DENND2B: variants seen among roughly 807,000 people sequenced by gnomAD.
DENND2B encodes the protein DENN domain-containing protein 2B.
Under a neutral mutation model 116.0 loss-of-function variants are expected in DENND2B, and 32 were observed. The ratio of observed to expected loss-of-function variants is 0.28; its 90% CI spans 0.21 to 0.37. DENND2B has a LOEUF of 0.37. Among genes scored for constraint, DENND2B ranks in the 10% least tolerant of loss-of-function variants. The pLI, the probability that DENND2B is intolerant of heterozygous loss-of-function variation, is 1.00. For synonymous variants in DENND2B, 588 were observed against 583.9 expected (o/e 1.01, Z -0.10); for missense variants, 1,276 against 1,477.7 (o/e 0.86, Z 2.24).
At chr11:8,836,406 T>C (rs537699851) in intron 4 of DENND2B, among the ~76,000 whole-genome samples, 28 of 143,012 alleles carry the variant, frequency 2.0e-4, no homozygotes, top group African/African-American at 6.0e-4. Flanking sequence ...AGCATCCTTC[T>C]GTACTTCTTT....
intron 14 of DENND2B, among the ~76,000 whole-genome samples, chr11:8,701,998 T>C (rs2041788055): frequency 6.6e-6 from 1 of 151,790 alleles, no homozygotes. Context: ...CCTCACCCAC[T>C]CTCCTCTCTG....
intron 1 of DENND2B, among the ~76,000 whole-genome samples, chr11:8,761,018 C>T (rs1205775626): frequency 7.2e-6 from 1 of 138,248 alleles, no homozygotes; most frequent in Non-Finnish European, 1.7e-5. Flanking sequence ...CCTTCCCAAC[C>T]CTCCTCCTCA....
rs560682589 is a variant in DENND2B, at chr11:8,701,310, C to G, written c.2720+1262G>C. ...TAGAACATCAGGCGCCCTACATTCG[C>G]ATATTAAAAGGCTAGGATGGGAAGG... On this transcript the variant is annotated intron_variant, in intron 14 of 19. Coordinates refer to ENST00000313726, the MANE Select transcript of DENND2B (RefSeq NM_213618.2). 6.1e-4 allele frequency among the ~76,000 whole-genome samples: 77 copies of G among 126,262 alleles called. No individual in the cohort carries two copies. The South Asian group carries it at 9.3e-3, about 15-fold the overall frequency. 82.8% of individuals were successfully genotyped at this position (126,262 alleles called of 152,430 possible).
upstream of DENND2B, chr11:8,871,532 G>T (rs1215604430): frequency 2.0e-5 from 3 of 152,182 alleles, no homozygotes; most frequent in Admixed American, 6.5e-5. Flanking sequence ...TGCACCGCCC[G>T]CCGGCCTTCA....
chr11:8,832,334 C>T (rs2062240723), intron 4 of DENND2B, among the ~76,000 whole-genome samples: 1 of 152,000 alleles, frequency 6.6e-6, no homozygotes, highest in Non-Finnish European at 1.5e-5. Flanking sequence ...CACTTGTAGT[C>T]CCAGCTACTC....
chr11:8,905,176 A>C (rs2064220272), intron 1 of DENND2B, among the ~76,000 whole-genome samples: 1 of 152,170 alleles, frequency 6.6e-6, no homozygotes, highest in Non-Finnish European at 1.5e-5. Flanking sequence ...ATACAGTATA[A>C]TATGGCATAA....
rs61246214 is a variant in DENND2B, at chr11:8,840,898, A to G, written c.-155-1548T>C. On this transcript the variant is annotated intron_variant, in intron 3 of 6. Coordinates refer to the DENND2B transcript ENST00000524757. ...TTTGCCATCCACCAGAATATTCCAT[A>G]TTGAGTGAAATTACAATGCTTGTTG... Among the ~76,000 whole-genome samples the G allele has an allele frequency of 5.9e-5, 9 of 152,298 alleles. No individual in the cohort carries two copies. The East Asian group carries it at 1.7e-3, about 29-fold the overall frequency.
intron 1 of DENND2B, among the ~76,000 whole-genome samples, chr11:8,751,928 A>C (rs2052579789): frequency 6.6e-6 from 1 of 152,192 alleles, no homozygotes; most frequent in Non-Finnish European, 1.5e-5. Flanking sequence ...AAAAGAAAAA[A>C]GTCACCTCAT....
In DENND2B at chr11:8,712,833, AG is replaced by A; in HGVS notation, c.1988-99del. The A allele has an allele frequency of 7.7e-7, 1 of 1,297,938 alleles. No homozygotes were observed. Among genetic ancestry groups the A allele is most frequent in the Non-Finnish European group, 1.0e-6 (1 of 957,794 alleles). The allele number at this position is 1,297,938 out of a possible 1,614,324, so 80.4% of individuals were successfully genotyped here. A position where few individuals can be genotyped will look rare whatever the true frequency, so the allele number is the denominator to read the frequency against. The stretch of plus-strand genomic sequence containing the variant: ...GCTCCATTGCTGTGGAGCACTTTTA[AG>A]TACGTGAGCCTAGTCTGATACCATC... On this transcript the variant is annotated intron_variant, in intron 8 of 19. Transcript: ENST00000313726. The surrounding 1 kb of genome is among the most constrained non-coding windows in gnomAD (Gnocchi z 4.4).
At chr11:8,809,763 G>A (rs1208798250) in intron 1 of DENND2B, 1 of 152,216 alleles carries the variant, frequency 6.6e-6, no homozygotes, top group Non-Finnish European at 1.5e-5. Flanking sequence ...AGTGCCTCAT[G>A]TTCCCCAGCT....
intron 4 of DENND2B, among the ~76,000 whole-genome samples, chr11:8,825,569 T>A (rs116759029): frequency 0.01 from 1,535 of 152,160 alleles, 15 homozygotes; most frequent in African/African-American, 0.029. Flanking sequence ...ATGGTTACCC[T>A]TTTTATCAAT....
chr11:8,770,982 T>C (rs2056755334), intron 1 of DENND2B, among the ~76,000 whole-genome samples: 1 of 152,212 alleles, frequency 6.6e-6, no homozygotes, highest in Non-Finnish European at 1.5e-5. Flanking sequence ...GTTAGACACC[T>C]TTCTGTGGTT....
rs1429929230 is a variant in DENND2B at position 8,707,289 on chromosome 11, C to T, written c.2431-64G>A. 2 of 1,557,138 alleles carry T rather than the reference C, an allele frequency of 1.3e-6. No individual in the cohort carries two copies. Among genetic ancestry groups the T allele is most frequent in the African/African-American group, 1.4e-5 (1 of 73,600 alleles). ...AGGGCACTGCCCTTCCCCCTCCTGG[C>T]AGAGAAGAGGGCAGCCAAGCATCTG... is the stretch of plus-strand genomic sequence containing the variant. On this transcript the variant is annotated intron_variant, in intron 12 of 19. Transcript: ENST00000313726. The surrounding 1 kb of genome is among the most constrained non-coding windows in gnomAD (Gnocchi z 4.8).
chr11:8,800,761 T>C (rs891577813), intron 1 of DENND2B, among the ~76,000 whole-genome samples: 4 of 152,152 alleles, frequency 2.6e-5, no homozygotes, highest in Admixed American at 1.3e-4. Context: ...TTAAAACACA[T>C]TGCTAAATTT....
intron 1 of DENND2B, among the ~76,000 whole-genome samples, chr11:8,779,722 C>G (rs1474608011): frequency 1.3e-5 from 2 of 152,122 alleles, no homozygotes; most frequent in African/African-American, 4.8e-5. Flanking sequence ...CCATGTTGGT[C>G]AGGCTGGTCT....
At chr11:8,872,281 G>A (rs1458927912), upstream of DENND2B, among the ~76,000 whole-genome samples, 1 of 152,100 alleles carries the variant, frequency 6.6e-6, no homozygotes, top group Non-Finnish European at 1.5e-5. Flanking sequence ...CAGGTCAAGA[G>A]TTCAAGACCA....
chr11:8,745,174 T>A (rs985203419), intron 2 of DENND2B, among the ~76,000 whole-genome samples: 3 of 151,604 alleles, frequency 2.0e-5, no homozygotes, highest in Non-Finnish European at 4.4e-5. Flanking sequence ...CCCACCCCAA[T>A]CTCCAGAGTA....
At chr11:8,879,631 T>G (rs2063880855) in intron 2 of DENND2B, among the ~76,000 whole-genome samples, 1 of 152,164 alleles carries the variant, frequency 6.6e-6, no homozygotes, top group Non-Finnish European at 1.5e-5. Flanking sequence ...CATCTTCCAA[T>G]TCCTTTATAA....
intron 1 of DENND2B, among the ~76,000 whole-genome samples, chr11:8,787,441 G>C (rs754144720): frequency 1.3e-5 from 2 of 152,180 alleles, no homozygotes; most frequent in Non-Finnish European, 1.5e-5. Context: ...CTGCTGAGTA[G>C]CTGGGACTAC....
Sources: allele counts gnomAD v4.1 joint callset (sites outside exome capture counted in the v4.1 genomes callset), GRCh38; gene constraint gnomAD v4.1.1; non-coding constraint Gnocchi (gnomAD v3.1); transcripts MANE v1.5; gene names NCBI Gene and HGNC (gene_info 2026-07-23, HGNC 2026-07-21).